Variants in COL27A1 observed in about 807,000 individuals in gnomAD.
COL27A1 encodes the protein collagen type XXVII alpha 1 chain, also known as collagen alpha-1(XXVII) chain.
COL27A1 carries 106 observed loss-of-function variants against 251.3 expected under a neutral mutation model. The ratio of observed to expected loss-of-function variants is 0.42; its 90% CI spans 0.36 to 0.50. The LOEUF is 0.50. Ranked by LOEUF, COL27A1 falls within the 20% of genes least tolerant of loss-of-function variation. The pLI, the probability that COL27A1 is intolerant of heterozygous loss-of-function variation, is 0.00. For synonymous variants in COL27A1, 1,000 were observed against 986.3 expected (o/e 1.01, Z -0.26); for missense variants, 2,325 against 2,522.8 (o/e 0.92, Z 1.68).
chr9:114,205,680 C>A, intron 8 of COL27A1, 79 bp from the exon 9 acceptor site: 1 of 1,281,846 alleles, frequency 7.8e-7, no homozygotes, highest in Non-Finnish European at 1.1e-6. Flanking sequence ...CATTGTCAGC[C>A]CCAGTCTCCC....
chr9:114,252,022 C>G (rs1360568158), intron 25 of COL27A1, among the ~76,000 whole-genome samples: 1 of 152,212 alleles, frequency 6.6e-6, no homozygotes, highest in Non-Finnish European at 1.5e-5. Context: ...ATACAAGAAA[C>G]AGAGCCTCAC....
chr9:114,233,643 G>A (rs575746654), intron 16 of COL27A1, among the ~76,000 whole-genome samples: 74 of 152,328 alleles, frequency 4.9e-4, no homozygotes, highest in African/African-American at 1.8e-3. Context: ...GCTCTTTATA[G>A]GCCCCTTTGC....
At chr9:114,173,107 A>C (rs1051356417) in intron 3 of COL27A1, among the ~76,000 whole-genome samples, 2 of 152,192 alleles carry the variant, frequency 1.3e-5, no homozygotes, top group African/African-American at 4.8e-5. Context: ...TGGGAGCCCC[A>C]GGAGGGGGGA....
At chr9:114,240,191 G>T in intron 19 of COL27A1, 29 bp from the exon 20 acceptor site, 1 of 1,605,508 alleles carries the variant, frequency 6.2e-7, no homozygotes, top group Non-Finnish European at 8.5e-7. Context: ...CAGCCCCCGT[G>T]GGTGACCCTG....
intron 5 of COL27A1, among the ~76,000 whole-genome samples, chr9:114,192,221 T>G (rs1459430352): frequency 6.6e-6 from 1 of 152,208 alleles, no homozygotes; most frequent in African/African-American, 2.4e-5. Context: ...ATGGGATACC[T>G]GAAGGCCCAG....
chr9:114,210,962 C>T lies in COL27A1; in HGVS notation c.2323-20C>T. The T allele has an allele frequency of 1.2e-6, 2 of 1,613,998 alleles. No individual in the cohort carries two copies. Among genetic ancestry groups the T allele is most frequent in the Non-Finnish European group, 1.7e-6 (2 of 1,179,844 alleles). On this transcript the variant is annotated intron_variant, in intron 11 of 60. Coordinates refer to ENST00000356083, the MANE Select transcript of COL27A1 (RefSeq NM_032888.4). Reference sequence around the variant, plus strand: ...CTGCTGGCATCCTGCCCTGACCTCTCCCCTGTCTCTCCCCTGCAGGGCCTG... The same window carrying T: ...CTGCTGGCATCCTGCCCTGACCTCTTCCCTGTCTCTCCCCTGCAGGGCCTG...
intron 12 of COL27A1, among the ~76,000 whole-genome samples, chr9:114,214,174 G>A (rs1300522900): frequency 6.6e-6 from 1 of 152,174 alleles, no homozygotes; most frequent in Non-Finnish European, 1.5e-5. Context: ...CAGTCTTTAG[G>A]GCCATCCCTC....
At chr9:114,212,771 G>A (rs1188485664) in intron 12 of COL27A1, among the ~76,000 whole-genome samples, 1 of 152,222 alleles carries the variant, frequency 6.6e-6, no homozygotes, top group Non-Finnish European at 1.5e-5. Context: ...CACATAGTAA[G>A]TGCTCAATAA....
At position 114,183,215 on chromosome 9, in the gene COL27A1, G is replaced by A. The variant is rs950268585; in HGVS notation, c.2016+140G>A. 6.4e-6 allele frequency: 5 copies of A among 781,214 alleles called. No homozygotes were observed. The African/African-American group carries it at 8.6e-5, about 13-fold the overall frequency. 48.4% of individuals were successfully genotyped at this position (781,214 alleles called of 1,614,324 possible). ...CGCCTAAGCCAGGGGCACCCTCTGG[G>A]CCCCTTTCCAGGGCTGGGCCCTGTG... On this transcript the variant is annotated intron_variant, in intron 5 of 60. Transcript: ENST00000356083.
chr9:114,183,526 G>A (rs1223021566), intron 5 of COL27A1, among the ~76,000 whole-genome samples: 1 of 152,142 alleles, frequency 6.6e-6, no homozygotes, highest in Non-Finnish European at 1.5e-5. Flanking sequence ...TGATATGGGG[G>A]AGAAAGGAGG....
intron 36 of COL27A1, among the ~76,000 whole-genome samples, chr9:114,274,386 G>A (rs761960289): frequency 4.6e-5 from 7 of 152,186 alleles, no homozygotes; most frequent in East Asian, 3.8e-4. Flanking sequence ...CAGCTCCACC[G>A]CTAGCCAGTT....
chr9:114,278,545 A>G, intron 37 of COL27A1, among the ~76,000 whole-genome samples: 1 of 125,866 alleles, frequency 7.9e-6, no homozygotes, highest in Non-Finnish European at 1.6e-5. Context: ...TAGTGATGGT[A>G]GTAGTGATGG....
Position 114,264,949 on chromosome 9 carries a change from C to G in COL27A1, c.3275C>G (p.Pro1092Arg), listed in dbSNP as rs555858459. The stretch of plus-strand genomic sequence containing the variant: ...GGCCCTCCAGGACCCCAGGGCAGAC[C>G]GGGCCGGCCTGGACAGCAGGTATGT... Reference protein sequence around the residue: ...LKGPPGPQGRPGRPGQQGVAG... With the variant: ...LKGPPGPQGRRGRPGQQGVAG... Residue 1092 changes from proline (P) to arginine (R), a missense_variant, in exon 30 of 61, where the codon CCG becomes CGG. Around this residue, in one of 4 missense-constraint regions of COL27A1, gnomAD observed 662 missense variants for 795.3 expected, o/e 0.83. Transcript: ENST00000356083. 1 of 1,613,320 alleles carries G rather than the reference C, an allele frequency of 6.2e-7. No individual in the cohort carries two copies. Among genetic ancestry groups the G allele is most frequent in the South Asian group, 1.1e-5 (1 of 91,002 alleles).
At position 114,304,600 on chromosome 9, in the gene COL27A1, T is replaced by G. The variant is rs2131678113; in HGVS notation, c.4873-8T>G. ...CCACGATACATACCCTGTCTTTTCC[T>G]TGCCCAGCAACAAGATGATCTTGGG... On this transcript the variant is annotated splice_polypyrimidine_tract_variant and splice_region_variant and intron_variant, in intron 56 of 60. Coordinates refer to ENST00000356083, the MANE Select transcript of COL27A1 (RefSeq NM_032888.4). The G allele has an allele frequency of 6.2e-7, 1 of 1,614,140 alleles. No individual in the cohort carries two copies. The highest frequency in any genetic ancestry group is 8.5e-7 in the Non-Finnish European group (1 of 1,180,006).
intron 12 of COL27A1, among the ~76,000 whole-genome samples, chr9:114,213,478 C>G (rs1316117367): frequency 6.6e-6 from 1 of 152,218 alleles, no homozygotes; most frequent in Non-Finnish European, 1.5e-5. Context: ...ATTCCTCATT[C>G]AACCAAAGAT....
intron 27 of COL27A1, among the ~76,000 whole-genome samples, chr9:114,253,408 CAGAA>C (rs769803420): frequency 1.1e-4 from 14 of 131,976 alleles, no homozygotes; most frequent in African/African-American, 3.4e-4. Context: ...GGAAAAAAGA[CAGAA>C]AGAAGAGGAG....
At chr9:114,265,148 C>A in intron 31 of COL27A1, 38 bp downstream of exon 31, 5 of 1,394,236 alleles carry the variant, frequency 3.6e-6, no homozygotes, top group African/African-American at 1.5e-5. Flanking sequence ...CTACATGGGG[C>A]TTTTGATGGG....
intron 16 of COL27A1, among the ~76,000 whole-genome samples, chr9:114,233,256 A>C (rs1197808892): frequency 6.6e-6 from 1 of 152,236 alleles, no homozygotes; most frequent in Non-Finnish European, 1.5e-5. Context: ...AGAGATTTGC[A>C]GGCCCCTGGA....
intron 48 of COL27A1, among the ~76,000 whole-genome samples, chr9:114,291,455 A>G (rs1286749045): frequency 1.3e-5 from 2 of 152,206 alleles, no homozygotes; most frequent in Non-Finnish European, 2.9e-5. Context: ...GAATGAGAAT[A>G]GAAGGGGAAA....
Sources: allele counts gnomAD v4.1 joint callset (sites outside exome capture counted in the v4.1 genomes callset), GRCh38; gene constraint gnomAD v4.1.1; regional missense constraint gnomAD v4.1.1; transcripts MANE v1.5; gene names NCBI Gene and HGNC (gene_info 2026-07-23, HGNC 2026-07-21).